The following GPR176 variants were observed in gnomAD, a reference collection of about 807,000 sequenced individuals.
GPR176 encodes G protein-coupled receptor 176.
GPR176 carries 26 observed loss-of-function variants against 35.4 expected under a neutral mutation model. That is an observed-to-expected ratio of 0.74 (90% CI 0.54 to 1.02). The LOEUF is 1.02. Ranked by LOEUF, GPR176 falls within the 50% of genes least tolerant of loss-of-function variation. The pLI is 0.00. For missense variants in GPR176, 597 were observed against 665.3 expected, an observed-to-expected ratio of 0.90 and a Z score of 1.13; for synonymous variants, 278 against 271.3, an observed-to-expected ratio of 1.02 and a Z score of -0.24.
At chr15:39,849,103 AG>A (rs1235786095) in intron 1 of GPR176, among the ~76,000 whole-genome samples, 2 of 152,084 alleles carry the variant, frequency 1.3e-5, no homozygotes, top group Non-Finnish European at 2.9e-5. Flanking sequence ...AAGAGAGAGA[AG>A]ACACAGGCTA....
chr15:39,839,958 C>A (rs866461295), intron 1 of GPR176, among the ~76,000 whole-genome samples: 2 of 152,078 alleles, frequency 1.3e-5, no homozygotes, highest in Non-Finnish European at 2.9e-5. Flanking sequence ...GTTAGAATGG[C>A]GATCATTAAA....
chr15:39,871,237 C>T (rs60375922), intron 1 of GPR176, among the ~76,000 whole-genome samples: 2,351 of 152,200 alleles, frequency 0.015, 79 homozygotes, highest in African/African-American at 0.051. Flanking sequence ...GGAATGGGTT[C>T]ATAACTTGCA....
chr15:39,913,904 G>A (rs1327233333), intron 1 of GPR176, among the ~76,000 whole-genome samples: 1 of 152,142 alleles, frequency 6.6e-6, no homozygotes, highest in Admixed American at 6.5e-5. Context: ...ACATTAGCCG[G>A]GCATGGTGGT....
At chr15:39,899,273 AG>A (rs985557843) in intron 1 of GPR176, among the ~76,000 whole-genome samples, 60 of 152,188 alleles carry the variant, frequency 3.9e-4, no homozygotes, top group Middle Eastern at 3.2e-3. Flanking sequence ...ATGAACCCAA[AG>A]GGGCTGGATG....
Position 39,914,516 on chromosome 15 carries a change from T to C in GPR176, c.172+5339A>G, listed in dbSNP as rs1035895434. ...TTTTACTAGAGACAGGGTTTCACCA[T>C]GTTGGCCAGGCTGGTCTCGAACACC... On this transcript the variant is annotated intron_variant, in intron 1 of 2. Transcript: ENST00000561100. 3.9e-4 allele frequency among the ~76,000 whole-genome samples: 59 copies of C among 152,248 alleles called. 1 individual carries two copies. The highest frequency in any genetic ancestry group is 3.4e-3 in the Middle Eastern group (1 of 294).
rs1369696748 is a variant in GPR176, at chr15:39,807,667, AT to A, written c.173-410del. The stretch of plus-strand genomic sequence containing the variant: ...GTGCAAACCGCACATGTCATCTTAA[AT>A]TTATGGTAGCCATGTTTTAAAAAAG... On this transcript the variant is annotated intron_variant, in intron 1 of 2. Coordinates refer to ENST00000561100, the MANE Select transcript of GPR176 (RefSeq NM_007223.3). The A allele has an allele frequency of 3.2e-5, 23 of 716,450 alleles. No individual in the cohort carries two copies. The East Asian group carries it at 5.9e-4, about 18-fold the overall frequency. 44.4% of individuals were successfully genotyped at this position (716,450 alleles called of 1,614,324 possible).
At chr15:39,902,497 CT>C (rs1346671631) in intron 1 of GPR176, among the ~76,000 whole-genome samples, 4 of 152,206 alleles carry the variant, frequency 2.6e-5, no homozygotes, top group African/African-American at 9.7e-5. Flanking sequence ...CATCTTAAGG[CT>C]TCTGGTCATT....
chr15:39,816,240 T>C (rs149336663), intron 1 of GPR176, among the ~76,000 whole-genome samples: 1 of 152,180 alleles, frequency 6.6e-6, no homozygotes, highest in Non-Finnish European at 1.5e-5. Context: ...GTAAGCAATA[T>C]ATTATATATT....
chr15:39,839,713 T>G lies in GPR176; in HGVS notation c.173-32455A>C, dbSNP rs556730811. 8.7e-4 allele frequency among the ~76,000 whole-genome samples: 133 copies of G among 152,160 alleles called. 1 individual carries two copies. Among genetic ancestry groups the G allele is most frequent in the African/African-American group, 3.1e-3 (127 of 41,508 alleles). ...GGCAACCTACAGAATGGGAGAAAAT[T>G]TTTATAATCTACCCATCTGACAAAG... On this transcript the variant is annotated intron_variant, in intron 1 of 2. Transcript: ENST00000561100.
At position 39,801,459 on chromosome 15, in the gene GPR176, G is replaced by C. The variant is rs1384157353; in HGVS notation, c.1221C>G (p.Ser407Arg). ...GCCCCTGCTCTCCCTCCAGGCAGGT[G>C]CTAAATATCTCCTTGGCCTGGAAGT... ...SADFQAKEIFSTCLEGEQGPQ... is the reference protein window; with the variant it reads ...SADFQAKEIFRTCLEGEQGPQ... Residue 407 changes from serine (S) to arginine (R), a missense_variant, in exon 3 of 3, where the codon AGC becomes AGG. Physicochemically the swap from Ser to Arg is moderately radical, Grantham distance 110. Around this residue, in one of 3 missense-constraint regions of GPR176, gnomAD observed 251 missense variants for 255.4 expected, o/e 0.98. Coordinates refer to ENST00000561100, the MANE Select transcript of GPR176 (RefSeq NM_007223.3). 1 of 1,614,008 alleles carries C rather than the reference G, an allele frequency of 6.2e-7. No individual in the cohort carries two copies. The highest frequency in any genetic ancestry group is 2.2e-5 in the East Asian group (1 of 44,900).
chr15:39,899,394 G>C (rs1304169947), intron 1 of GPR176, among the ~76,000 whole-genome samples: 1 of 152,140 alleles, frequency 6.6e-6, no homozygotes, highest in Admixed American at 6.5e-5. Context: ...TGACAGTAAA[G>C]GGAGCCACTC....
chr15:39,919,802 G>A, intron 1 of GPR176, 53 bp downstream of exon 1: 2 of 1,322,512 alleles, frequency 1.5e-6, no homozygotes, highest in Non-Finnish European at 2.0e-6. Flanking sequence ...CCGGCTCTCC[G>A]AGCCTGTACC....
chr15:39,878,472 TTGTGTG>T (rs3066143), intron 1 of GPR176, among the ~76,000 whole-genome samples: 11 of 148,176 alleles, frequency 7.4e-5, no homozygotes, highest in Admixed American at 2.7e-4. Context: ...CAAATAATAT[TTGTGTG>T]TGTGTGTGTG....
chr15:39,919,041 T>C (rs2033802201), intron 1 of GPR176, among the ~76,000 whole-genome samples: 1 of 152,232 alleles, frequency 6.6e-6, no homozygotes, highest in African/African-American at 2.4e-5. Flanking sequence ...AAATGAATAT[T>C]GCTTGTATCA....
chr15:39,860,754 T>G (rs972623750), intron 1 of GPR176: 1 of 152,190 alleles, frequency 6.6e-6, no homozygotes, highest in South Asian at 2.1e-4. Flanking sequence ...AAGAGCCTGA[T>G]TGACTTTGCT....
intron 1 of GPR176, among the ~76,000 whole-genome samples, chr15:39,842,813 A>T (rs1321880986): frequency 6.6e-6 from 1 of 152,124 alleles, no homozygotes; most frequent in East Asian, 1.9e-4. Context: ...GAATGGACTA[A>T]TACAGTGAGG....
chr15:39,857,880 AGAATGGCGT>A (rs2031334434), intron 1 of GPR176, among the ~76,000 whole-genome samples: 1 of 150,848 alleles, frequency 6.6e-6, no homozygotes, highest in South Asian at 2.1e-4. Context: ...CTGAGGCAGG[AGAATGGCGT>A]GAACCTGGGA....
At chr15:39,837,163 G>A (rs1006648581) in intron 1 of GPR176, among the ~76,000 whole-genome samples, 3 of 152,064 alleles carry the variant, frequency 2.0e-5, no homozygotes, top group Non-Finnish European at 2.9e-5. Flanking sequence ...TTCCATTTTC[G>A]CCAGTCATCT....
intron 1 of GPR176, among the ~76,000 whole-genome samples, chr15:39,809,979 A>T (rs1899438052): frequency 6.6e-6 from 1 of 152,076 alleles, no homozygotes; most frequent in Non-Finnish European, 1.5e-5. Context: ...CCCCGTCTCT[A>T]CTAAATATAC....
Sources: gnomAD v4.1 joint callset for allele counts (sites outside exome capture counted in the v4.1 genomes callset) on GRCh38, gnomAD v4.1.1 for gene constraint, gnomAD v4.1.1 regional missense constraint, MANE v1.5 for transcripts, NCBI Gene and HGNC (gene_info 2026-07-23, HGNC 2026-07-21) for gene names.